PURA: variants seen among roughly 807,000 people sequenced by gnomAD.
PURA encodes transcriptional activator protein Pur-alpha.
In PURA, 2 loss-of-function variants were observed where a neutral mutation model predicts 23.1. The observed-to-expected ratio is 0.09, with a 90% CI of 0.04 to 0.27. The LOEUF is 0.27. Among genes scored for constraint, PURA ranks in the 10% least tolerant of loss-of-function variants. PURA has a pLI of 1.00. For missense variants in PURA, 187 were observed against 449.7 expected, an observed-to-expected ratio of 0.42 and a Z score of 5.28; for synonymous variants, 254 against 205.9, an observed-to-expected ratio of 1.23 and a Z score of -2.00.
In PURA at chr5:140,119,779, G is replaced by A. The variant is rs1000353128; in HGVS notation, c.*4629G>A. The stretch of plus-strand genomic sequence containing the variant: ...CATTTTGGGTTATCTGCTAGACCTG[G>A]TGACCCCACCATATGGGCATGATTA... On this transcript the variant is annotated 3_prime_UTR_variant, in exon 1 of 1. Transcript: ENST00000331327. 6.0e-6 allele frequency: 1 copy of A among 166,664 alleles called. No individual in the cohort carries two copies. Among genetic ancestry groups the A allele is most frequent in the African/African-American group, 2.4e-5 (1 of 41,346 alleles). The allele number at this position is 166,664 out of a possible 1,614,324, so 10.3% of individuals were successfully genotyped here.
rs1486162201 is a variant in PURA at position 140,124,048 on chromosome 5, G to A, written c.*8898G>A. ...AAGAGACTTTATTTTAACCAGATGCGGTCTTATGACCTCAAAGATGTGCTC... is the reference window on the plus strand; with the variant it reads ...AAGAGACTTTATTTTAACCAGATGCAGTCTTATGACCTCAAAGATGTGCTC... On this transcript the variant is annotated 3_prime_UTR_variant, in exon 1 of 1. Coordinates refer to ENST00000331327, the MANE Select transcript of PURA (RefSeq NM_005859.5). The A allele has an allele frequency of 6.0e-6, 1 of 166,724 alleles. No homozygotes were observed. The highest frequency in any genetic ancestry group is 2.1e-4 in the South Asian group (1 of 4,808). The allele number at this position is 166,724 out of a possible 1,614,324, so 10.3% of individuals were successfully genotyped here.
In PURA at chr5:140,124,259, T is replaced by C; in HGVS notation, c.*9109T>C. 6.0e-6 allele frequency: 1 copy of C among 167,022 alleles called. No homozygotes were observed. The highest frequency in any genetic ancestry group is 2.1e-4 in the South Asian group (1 of 4,832). 10.3% of individuals were successfully genotyped at this position (167,022 alleles called of 1,614,324 possible). On this transcript the variant is annotated 3_prime_UTR_variant, in exon 1 of 1. Transcript: ENST00000331327. The stretch of plus-strand genomic sequence containing the variant: ...TTGGTTATTTCATTTTATATTCCCT[T>C]TCCCATAGCTTTGTACACACCTCAT...
rs1252900280 is a variant in PURA, at chr5:140,124,305, C to G, written c.*9155C>G. ...CTCATACTTAAAACCAAGTGAGAGG[C>G]CTCTTTTCAGATCTGGTTTATTTTT... On this transcript the variant is annotated 3_prime_UTR_variant, in exon 1 of 1. Coordinates refer to ENST00000331327, the MANE Select transcript of PURA (RefSeq NM_005859.5). 6.0e-6 allele frequency: 1 copy of G among 166,938 alleles called. No individual in the cohort carries two copies. The highest frequency in any genetic ancestry group is 1.5e-5 in the Non-Finnish European group (1 of 68,070). The allele number at this position is 166,938 out of a possible 1,614,324, so 10.3% of individuals were successfully genotyped here.
Position 140,117,641 on chromosome 5 carries a change from C to G in PURA, c.*2491C>G, listed in dbSNP as rs905536823. 6.0e-6 allele frequency: 1 copy of G among 166,946 alleles called. No homozygotes were observed. The highest frequency in any genetic ancestry group is 2.4e-5 in the African/African-American group (1 of 41,444). 10.3% of individuals were successfully genotyped at this position (166,946 alleles called of 1,614,324 possible). On this transcript the variant is annotated 3_prime_UTR_variant, in exon 1 of 1. Transcript: ENST00000331327. ...CCTTTCTTTGAGATGCGAGTTCTTT[C>G]ATGAGGTTTTCTTTAGGGCCAGAGT...
chr5:140,117,997 T>G lies in PURA; in HGVS notation c.*2847T>G, dbSNP rs2126750980. 1 of 167,120 alleles carries G rather than the reference T, an allele frequency of 6.0e-6. No individual in the cohort carries two copies. The highest frequency in any genetic ancestry group is 1.9e-4 in the East Asian group (1 of 5,194). 10.4% of individuals were successfully genotyped at this position (167,120 alleles called of 1,614,324 possible). On this transcript the variant is annotated 3_prime_UTR_variant, in exon 1 of 1. Transcript: ENST00000331327. ...GTTGCATCCTTTCCCTACCCTTCCC[T>G]CCCAGGTGCTCGGTACTTTACCTAG...
In PURA at chr5:140,114,319, C is replaced by T. The variant is rs1453834303; in HGVS notation, c.138C>T (p.Gly46=). Residue 46 remains glycine (G), a synonymous_variant, in exon 1 of 1, where the codon GGC becomes GGT. Transcript: ENST00000331327. ...GGGGGGGSGG[G]GGGAPGGLQH... is the part of the protein sequence containing the mutation. ...GGGGCGGCGGCGGCAGTGGCGGCGG[C>T]GGCGGCGGGGCCCCAGGGGGGCTGC... The T allele has an allele frequency of 1.5e-5, 20 of 1,328,212 alleles. No homozygotes were observed. The highest frequency in any genetic ancestry group is 2.5e-4 in the Middle Eastern group (1 of 4,004). 82.3% of individuals were successfully genotyped at this position (1,328,212 alleles called of 1,614,324 possible).
chr5:140,121,761 T>C lies in PURA; in HGVS notation c.*6611T>C, dbSNP rs1331165700. 2 of 166,920 alleles carry C rather than the reference T, an allele frequency of 1.2e-5. No homozygotes were observed. The highest frequency in any genetic ancestry group is 2.9e-5 in the Non-Finnish European group (2 of 67,992). The allele number at this position is 166,920 out of a possible 1,614,324, so 10.3% of individuals were successfully genotyped here. On this transcript the variant is annotated 3_prime_UTR_variant, in exon 1 of 1. Transcript: ENST00000331327. ...CAGTTTGAAGGTATCTAAATTAATG[T>C]TAAGAAACTTGTGAACTGAAGAGAG...
rs772175013 is a variant in PURA, at chr5:140,119,588, T to A, written c.*4438T>A. 6.0e-6 allele frequency: 1 copy of A among 166,792 alleles called. No individual in the cohort carries two copies. Among genetic ancestry groups the A allele is most frequent in the Admixed American group, 6.6e-5 (1 of 15,264 alleles). 10.3% of individuals were successfully genotyped at this position (166,792 alleles called of 1,614,324 possible). On this transcript the variant is annotated 3_prime_UTR_variant, in exon 1 of 1. Coordinates refer to ENST00000331327, the MANE Select transcript of PURA (RefSeq NM_005859.5). ...CACTTTATATCATTTTTTAAGTCAGTTAAGATTTGATATATTTTAAAAGAT... is the reference window on the plus strand; with the variant it reads ...CACTTTATATCATTTTTTAAGTCAGATAAGATTTGATATATTTTAAAAGAT...
In PURA at chr5:140,114,601, C is replaced by T. The variant is rs775789739; in HGVS notation, c.420C>T (p.Arg140=). ...PDLAQAQDEP[R]RALKSEFLVR... ...TGGCCCAGGCGCAGGACGAGCCGCGCCGGGCGCTCAAAAGCGAGTTCCTGG... is the reference window on the plus strand; with the variant it reads ...TGGCCCAGGCGCAGGACGAGCCGCGTCGGGCGCTCAAAAGCGAGTTCCTGG... The change falls in exon 1 of 1, where the codon CGC becomes CGT. Residue 140 remains arginine, a synonymous_variant. Coordinates refer to ENST00000331327, the MANE Select transcript of PURA (RefSeq NM_005859.5). 1.9e-6 allele frequency: 3 copies of T among 1,606,148 alleles called. No homozygotes were observed. The highest frequency in any genetic ancestry group is 2.2e-5 in the East Asian group (1 of 44,714).
At position 140,119,637 on chromosome 5, in the gene PURA, ATTTTC is replaced by A. The variant is rs1441875816; in HGVS notation, c.*4490_*4494del. On this transcript the variant is annotated 3_prime_UTR_variant, in exon 1 of 1. Transcript: ENST00000331327. ...ATACTATGTCAACTTTTTTCTTCCT[ATTTTC>A]TTATGTAACTTGACGTTTGGGGGGA... is the stretch of plus-strand genomic sequence containing the variant. 2.4e-5 allele frequency: 4 copies of A among 166,336 alleles called. No homozygotes were observed. Among genetic ancestry groups the A allele is most frequent in the African/African-American group, 7.3e-5 (3 of 41,312 alleles). The allele number at this position is 166,336 out of a possible 1,614,324, so 10.3% of individuals were successfully genotyped here.
At position 140,114,157 on chromosome 5, in the gene PURA, CG is replaced by C; in HGVS notation, c.-23del. 3.3e-6 allele frequency: 2 copies of C among 605,730 alleles called. No individual in the cohort carries two copies. The highest frequency in any genetic ancestry group is 4.6e-6 in the Non-Finnish European group (2 of 430,984). 37.5% of individuals were successfully genotyped at this position (605,730 alleles called of 1,614,324 possible). On this transcript the variant is annotated 5_prime_UTR_variant, in exon 1 of 1. Coordinates refer to ENST00000331327, the MANE Select transcript of PURA (RefSeq NM_005859.5). The stretch of plus-strand genomic sequence containing the variant: ...CGGCGGGCGGAGCGGCAGGCGGCGG[CG>C]GCGCGGCAGCGGAGCGCAGCATCAT...
In PURA at chr5:140,115,399, G is replaced by T; in HGVS notation, c.*249G>T. 1 of 319,414 alleles carries T rather than the reference G, an allele frequency of 3.1e-6. No individual in the cohort carries two copies. The allele number at this position is 319,414 out of a possible 1,614,324, so 19.8% of individuals were successfully genotyped here. On this transcript the variant is annotated 3_prime_UTR_variant, in exon 1 of 1. Coordinates refer to ENST00000331327, the MANE Select transcript of PURA (RefSeq NM_005859.5). The surrounding 1 kb of genome is among the most constrained non-coding windows in gnomAD (Gnocchi z 4.1). ...CCACCATATAAAACAGTAAGCAGCT[G>T]CTAAAAACAAAAAAAATACAAAAAG...
Position 140,124,565 on chromosome 5 carries a change from A to G in PURA, c.*9415A>G, listed in dbSNP as rs1273281073. 1 of 167,040 alleles carries G rather than the reference A, an allele frequency of 6.0e-6. No individual in the cohort carries two copies. Among genetic ancestry groups the G allele is most frequent in the Non-Finnish European group, 1.5e-5 (1 of 68,084 alleles). 10.3% of individuals were successfully genotyped at this position (167,040 alleles called of 1,614,324 possible). A position where few individuals can be genotyped will look rare whatever the true frequency, so the allele number is the denominator to read the frequency against. On this transcript the variant is annotated 3_prime_UTR_variant, in exon 1 of 1. Coordinates refer to ENST00000331327, the MANE Select transcript of PURA (RefSeq NM_005859.5). ...TACTTTGGGTAGAAGTTTAACTTCC[A>G]TTGTTCAGATTTTAGGTTTATCTAG...
In PURA at chr5:140,123,647, TA is replaced by T. The variant is rs1763175232; in HGVS notation, c.*8501del. ...TTTAATATGGGCCTTTATTTGCCAATAAAATCCTTTGTAAATGTGAGCTTTA... is the reference window on the plus strand; with the variant it reads ...TTTAATATGGGCCTTTATTTGCCAATAAATCCTTTGTAAATGTGAGCTTTA... On this transcript the variant is annotated 3_prime_UTR_variant, in exon 1 of 1. Transcript: ENST00000331327. 1 of 166,694 alleles carries T rather than the reference TA, an allele frequency of 6.0e-6. No individual in the cohort carries two copies. The highest frequency in any genetic ancestry group is 2.1e-4 in the South Asian group (1 of 4,836). 10.3% of individuals were successfully genotyped at this position (166,694 alleles called of 1,614,324 possible). A position where few individuals can be genotyped will look rare whatever the true frequency, so the allele number is the denominator to read the frequency against.
Position 140,122,992 on chromosome 5 carries a change from T to G in PURA, c.*7842T>G, listed in dbSNP as rs906329306. ...CAAAAAAGTGGTTCTGATTTTGTAC[T>G]TTGAAGGTAATTTTTCTTTTTTACG... On this transcript the variant is annotated 3_prime_UTR_variant, in exon 1 of 1. Coordinates refer to ENST00000331327, the MANE Select transcript of PURA (RefSeq NM_005859.5). 3.6e-5 allele frequency: 6 copies of G among 166,936 alleles called. No homozygotes were observed. Among genetic ancestry groups the G allele is most frequent in the African/African-American group, 1.4e-4 (6 of 41,444 alleles). 10.3% of individuals were successfully genotyped at this position (166,936 alleles called of 1,614,324 possible).
At position 140,114,565 on chromosome 5, in the gene PURA, G is replaced by A; in HGVS notation, c.384G>A (p.Gln128=). The change falls in exon 1 of 1, where the codon CAG becomes CAA. Residue 128 remains glutamine (Q), a synonymous_variant. Transcript: ENST00000331327. ...IEHYAQLGPS[Q]PPDLAQAQDE... ...ACTACGCGCAGCTGGGCCCCAGCCA[G>A]CCGCCGGACCTGGCCCAGGCGCAGG... 1.2e-6 allele frequency: 2 copies of A among 1,602,044 alleles called. No homozygotes were observed. The highest frequency in any genetic ancestry group is 1.7e-6 in the Non-Finnish European group (2 of 1,176,332).
At position 140,114,930 on chromosome 5, in the gene PURA, A is replaced by G. The variant is rs1763054378; in HGVS notation, c.749A>G (p.Lys250Arg). 1.2e-6 allele frequency: 2 copies of G among 1,614,118 alleles called. No individual in the cohort carries two copies. The highest frequency in any genetic ancestry group is 1.7e-6 in the Non-Finnish European group (2 of 1,180,044). The stretch of plus-strand genomic sequence containing the variant: ...GTGTTTATGCGAGTGAGCGAGGTGA[A>G]GCCCACCTATCGCAACTCCATCACC... ...YGVFMRVSEV[K>R]PTYRNSITVP... Residue 250 changes from lysine to arginine, a missense_variant, in exon 1 of 1, where the codon AAG becomes AGG. Around this residue, in one of 9 missense-constraint regions of PURA, gnomAD observed 65 missense variants for 158.6 expected, o/e 0.41. Coordinates refer to ENST00000331327, the MANE Select transcript of PURA (RefSeq NM_005859.5).
chr5:140,119,843 A>G lies in PURA; in HGVS notation c.*4693A>G, dbSNP rs1454573919. The G allele has an allele frequency of 6.0e-6, 1 of 166,748 alleles. No individual in the cohort carries two copies. The highest frequency in any genetic ancestry group is 1.5e-5 in the Non-Finnish European group (1 of 67,932). The allele number at this position is 166,748 out of a possible 1,614,324, so 10.3% of individuals were successfully genotyped here. On this transcript the variant is annotated 3_prime_UTR_variant, in exon 1 of 1. Transcript: ENST00000331327. Reference sequence around the variant, plus strand: ...CACATGGTTCACCTTCTTGTCTACAATATTCCCACTCATTTTTTCAGGTTA... The same window carrying G: ...CACATGGTTCACCTTCTTGTCTACAGTATTCCCACTCATTTTTTCAGGTTA...
At position 140,121,013 on chromosome 5, in the gene PURA, C is replaced by T. The variant is rs1236136720; in HGVS notation, c.*5863C>T. On this transcript the variant is annotated 3_prime_UTR_variant, in exon 1 of 1. Transcript: ENST00000331327. ...TGCTTCTTACACATCAGAAGTATTT[C>T]ACTCATTTTGGAATCACAGGATTTT... The T allele has an allele frequency of 1.2e-5, 2 of 166,888 alleles. No homozygotes were observed. The highest frequency in any genetic ancestry group is 2.9e-5 in the Non-Finnish European group (2 of 67,998). The allele number at this position is 166,888 out of a possible 1,614,324, so 10.3% of individuals were successfully genotyped here.
Sources: gnomAD v4.1 joint callset for allele counts on GRCh38, gnomAD v4.1.1 for gene constraint, gnomAD v4.1.1 regional missense constraint, Gnocchi (gnomAD v3.1) non-coding constraint, MANE v1.5 for transcripts, NCBI Gene and HGNC (gene_info 2026-07-23, HGNC 2026-07-21) for gene names.